BZW1: variants seen among roughly 807,000 people sequenced by gnomAD.
BZW1 encodes the protein basic leucine zipper and W2 domains 1.
A neutral mutation model predicts 54.1 loss-of-function variants in BZW1; 3 were observed. The ratio of observed to expected loss-of-function variants is 0.06; its 90% CI spans 0.03 to 0.14. BZW1 has a LOEUF of 0.14. Among genes scored for constraint, BZW1 ranks in the 10% least tolerant of loss-of-function variants. The probability of loss-of-function intolerance (pLI) is 1.00; values close to 1 mark genes in which losing one functional copy is unlikely to be tolerated. For synonymous variants in BZW1, 152 were observed against 162.7 expected (o/e 0.93, Z 0.50); for missense variants, 206 against 491.7 (o/e 0.42, Z 5.50).
chr2:200,815,652 T>G lies in BZW1; in HGVS notation c.242-15T>G. On this transcript the variant is annotated splice_polypyrimidine_tract_variant and intron_variant, in intron 3 of 11. Transcript: ENST00000409600. Reference sequence around the variant, plus strand: ...TTTTTTGGTTTTGTTGTATTTTGGTTTTATCCAACTTTAGCCCCAGGTGGT... The same window carrying G: ...TTTTTTGGTTTTGTTGTATTTTGGTGTTATCCAACTTTAGCCCCAGGTGGT... 1 of 1,586,440 alleles carries G rather than the reference T, an allele frequency of 6.3e-7. No homozygotes were observed. Among genetic ancestry groups the G allele is most frequent in the South Asian group, 1.1e-5 (1 of 87,242 alleles).
intron 8 of BZW1, 125 bp from the exon 9 acceptor site, chr2:200,818,630 A>G: frequency 9.1e-7 from 1 of 1,103,320 alleles, no homozygotes; most frequent in Non-Finnish European, 1.3e-6. Flanking sequence ...TATATGTGGT[A>G]CACATGTGGT....
chr2:200,815,786 T>C (rs1029857851), intron 4 of BZW1, 25 bp downstream of exon 4: 1 of 1,508,232 alleles, frequency 6.6e-7, no homozygotes, highest in Admixed American at 2.3e-5. Context: ...ACATAATTGT[T>C]TTCAGTTGGC....
chr2:200,826,935 T>C lies in BZW1; in HGVS notation c.*4757T>C, dbSNP rs1314143906. 6.7e-6 allele frequency: 1 copy of C among 148,950 alleles called. No individual in the cohort carries two copies. The highest frequency in any genetic ancestry group is 1.5e-5 in the Non-Finnish European group (1 of 67,694). 9.2% of individuals were successfully genotyped at this position (148,950 alleles called of 1,614,324 possible). On this transcript the variant is annotated 3_prime_UTR_variant, in exon 12 of 12. Coordinates refer to ENST00000409600, the MANE Select transcript of BZW1 (RefSeq NM_001207067.2). ...AATATTCTTAAGGACAAAAATAGTT[T>C]ACAGCTTTTTTTTTTTTAATCTGAA...
chr2:200,814,905 C>T (rs1471302668), intron 2 of BZW1, among the ~76,000 whole-genome samples: 2 of 152,212 alleles, frequency 1.3e-5, no homozygotes, highest in East Asian at 3.9e-4. Context: ...ATTAAATGTA[C>T]TTTCTAAAGC....
chr2:200,812,393 C>T (rs1559308213), intron 1 of BZW1: 2 of 1,286,434 alleles, frequency 1.6e-6, no homozygotes, highest in Non-Finnish European at 2.0e-6. Context: ...GCTGCTTTCG[C>T]TGGAGGGCGG....
In BZW1 at chr2:200,815,419, A is replaced by G; in HGVS notation, c.143A>G (p.Glu48Gly). 1 of 1,614,008 alleles carries G rather than the reference A, an allele frequency of 6.2e-7. No homozygotes were observed. Among genetic ancestry groups the G allele is most frequent in the Non-Finnish European group, 8.5e-7 (1 of 1,179,892 alleles). Residue 48 changes from glutamate (E) to glycine (G), a missense_variant, in exon 3 of 12, where the codon GAA becomes GGA. Transcript: ENST00000409600. Reference protein sequence around the residue: ...QGLTETGTDLEAVAKFLDASG... With the variant: ...QGLTETGTDLGAVAKFLDASG... ...TTAACTGAAACCGGTACTGATTTGG[A>G]AGCAGTAGCTAAGTTTCTTGATGCT...
In BZW1 at chr2:200,826,493, C is replaced by A. The variant is rs777749997; in HGVS notation, c.*4315C>A. On this transcript the variant is annotated 3_prime_UTR_variant, in exon 12 of 12. Coordinates refer to ENST00000409600, the MANE Select transcript of BZW1 (RefSeq NM_001207067.2). ...AGGCGGGAGTGCAGTGGCACAATCT[C>A]GGCTCACTGCAAGCTCCGCCTTGGG... is the stretch of plus-strand genomic sequence containing the variant. 1 of 135,332 alleles carries A rather than the reference C, an allele frequency of 7.4e-6. No homozygotes were observed. Among genetic ancestry groups the A allele is most frequent in the South Asian group, 2.4e-4 (1 of 4,164 alleles). The allele number at this position is 135,332 out of a possible 1,614,324, so 8.4% of individuals were successfully genotyped here. A position where few individuals can be genotyped will look rare whatever the true frequency, so the allele number is the denominator to read the frequency against.
In BZW1 at chr2:200,826,887, C is replaced by T. The variant is rs2038715738; in HGVS notation, c.*4709C>T. 1.3e-5 allele frequency: 2 copies of T among 151,716 alleles called. No homozygotes were observed. Among genetic ancestry groups the T allele is most frequent in the South Asian group, 4.2e-4 (2 of 4,816 alleles). 9.4% of individuals were successfully genotyped at this position (151,716 alleles called of 1,614,324 possible). On this transcript the variant is annotated 3_prime_UTR_variant, in exon 12 of 12. Coordinates refer to ENST00000409600, the MANE Select transcript of BZW1 (RefSeq NM_001207067.2). The stretch of plus-strand genomic sequence containing the variant: ...ACCATTTAAAAATACCTTGGCAAAA[C>T]AAGCTAGGAGCTAGTTCATGCTAAT...
At chr2:200,815,145 C>A (rs2038237071) in intron 2 of BZW1, among the ~76,000 whole-genome samples, 196 bp from the exon 3 acceptor site, 1 of 152,220 alleles carries the variant, frequency 6.6e-6, no homozygotes, top group African/African-American at 2.4e-5. Flanking sequence ...ACATTTAGAT[C>A]ACTTGTGAAA....
chr2:200,817,929 A>G (rs2038353068), intron 6 of BZW1, 45 bp from the exon 7 acceptor site: 1 of 1,355,606 alleles, frequency 7.4e-7, no homozygotes, highest in South Asian at 1.3e-5. Flanking sequence ...CAGTGATTGA[A>G]ACCAGGGAAG....
intron 5 of BZW1, among the ~76,000 whole-genome samples, chr2:200,816,752 T>C (rs1380223856): frequency 6.6e-6 from 1 of 152,176 alleles, no homozygotes; most frequent in Non-Finnish European, 1.5e-5. Flanking sequence ...CCTCCCAAAG[T>C]GCTGGGGTTA....
chr2:200,816,977 A>T, intron 5 of BZW1, 129 bp from the exon 6 acceptor site: 1 of 1,080,800 alleles, frequency 9.3e-7, no homozygotes, highest in Non-Finnish European at 1.3e-6. Flanking sequence ...ATTGTAACTT[A>T]GATGTAAACT....
chr2:200,812,265 T>C, intron 1 of BZW1: 1 of 1,232,314 alleles, frequency 8.1e-7, no homozygotes, highest in Non-Finnish European at 1.0e-6. Context: ...CTCTGGGCCG[T>C]GCCCGGCCTG....
chr2:200,815,846 G>C, intron 4 of BZW1, 85 bp downstream of exon 4: 1 of 1,275,324 alleles, frequency 7.8e-7, no homozygotes. Flanking sequence ...AAGAGTTGTG[G>C]TTAGAAAGTT....
intron 3 of BZW1, 34 bp downstream of exon 3, chr2:200,815,551 A>G (rs2038256464): frequency 1.2e-6 from 2 of 1,611,332 alleles, no homozygotes; most frequent in Non-Finnish European, 8.5e-7. Flanking sequence ...TTAATAATTT[A>G]GAAAGGTATA....
intron 8 of BZW1, 64 bp from the exon 9 acceptor site, chr2:200,818,691 T>C (rs2038384617): frequency 1.6e-5 from 24 of 1,515,988 alleles, no homozygotes; most frequent in East Asian, 4.6e-5. Context: ...GGTCTAAACT[T>C]GATGTGTGAA....
At chr2:200,817,708 C>T (rs1297359498) in intron 6 of BZW1, among the ~76,000 whole-genome samples, 1 of 151,950 alleles carries the variant, frequency 6.6e-6, no homozygotes, top group Admixed American at 6.6e-5. Flanking sequence ...ATTCTCACAA[C>T]AGTCTTGTCA....
At position 200,824,210 on chromosome 2, in the gene BZW1, A is replaced by G. The variant is rs1428234252; in HGVS notation, c.*2032A>G. 6.6e-6 allele frequency: 1 copy of G among 152,212 alleles called. No individual in the cohort carries two copies. Among genetic ancestry groups the G allele is most frequent in the Non-Finnish European group, 1.5e-5 (1 of 68,034 alleles). The allele number at this position is 152,212 out of a possible 1,614,324, so 9.4% of individuals were successfully genotyped here. Reference sequence around the variant, plus strand: ...CTTGTGACAGTAATAGTGTAAAGAAAGGGAATGCTTTATAAAAAGATTGCA... The same window carrying G: ...CTTGTGACAGTAATAGTGTAAAGAAGGGGAATGCTTTATAAAAAGATTGCA... On this transcript the variant is annotated 3_prime_UTR_variant, in exon 12 of 12. Transcript: ENST00000409600.
chr2:200,818,468 C>A, intron 8 of BZW1, 75 bp downstream of exon 8: 1 of 1,490,082 alleles, frequency 6.7e-7, no homozygotes, highest in Admixed American at 2.2e-5. Context: ...GAGGAACTTA[C>A]TTCACCAGGA....
Sources: gnomAD v4.1 joint callset for allele counts (sites outside exome capture counted in the v4.1 genomes callset) on GRCh38, gnomAD v4.1.1 for gene constraint, MANE v1.5 for transcripts, NCBI Gene and HGNC (gene_info 2026-07-23, HGNC 2026-07-21) for gene names.